Variants in PDE4D observed in about 807,000 individuals in gnomAD.
PDE4D encodes 3',5'-cyclic-AMP phosphodiesterase 4D.
PDE4D carries 24 observed loss-of-function variants against 87.4 expected under a neutral mutation model. That is an observed-to-expected ratio of 0.27 (90% CI 0.20 to 0.39). The LOEUF is 0.39. Ranked by LOEUF, PDE4D falls within the 10% of genes least tolerant of loss-of-function variation. The probability of loss-of-function intolerance (pLI) is 1.00; values close to 1 mark genes in which losing one functional copy is unlikely to be tolerated. For synonymous variants in PDE4D, 384 were observed against 383.2 expected, an observed-to-expected ratio of 1.00 and a Z score of -0.02; for missense variants, 714 against 1,041.0, an observed-to-expected ratio of 0.69 and a Z score of 4.32.
At chr5:60,208,177 G>T (rs1370211041) in intron 1 of PDE4D, among the ~76,000 whole-genome samples, 2 of 152,356 alleles carry the variant, frequency 1.3e-5, no homozygotes, top group East Asian at 3.9e-4. Context: ...TGATTAGTGA[G>T]TAAAATACAT....
chr5:59,600,958 C>A (rs1010337569), intron 1 of PDE4D, among the ~76,000 whole-genome samples: 5 of 152,146 alleles, frequency 3.3e-5, no homozygotes, highest in African/African-American at 1.2e-4. Context: ...GGGCAACAAT[C>A]ACATTTCATC....
chr5:60,251,711 A>G (rs913549224), intron 1 of PDE4D, among the ~76,000 whole-genome samples: 2 of 151,944 alleles, frequency 1.3e-5, no homozygotes, highest in Non-Finnish European at 2.9e-5. Context: ...AGAATGATTT[A>G]TATTCCTTTG....
intron 3 of PDE4D, among the ~76,000 whole-genome samples, chr5:59,945,825 C>T (rs1328784387): frequency 1.3e-5 from 2 of 152,156 alleles, no homozygotes; most frequent in South Asian, 4.1e-4. Context: ...GAATTTCTTT[C>T]TTAAAAATAG....
chr5:59,350,218 A>T (rs1367769176), intron 1 of PDE4D, among the ~76,000 whole-genome samples: 1 of 152,024 alleles, frequency 6.6e-6, no homozygotes, highest in South Asian at 2.1e-4. Context: ...TATGGCTCTT[A>T]TACACTCTCC....
Position 59,803,306 on chromosome 5 carries a change from CT to C in PDE4D, c.455+89861del, listed in dbSNP as rs71606604. 4.0e-3 allele frequency among the ~76,000 whole-genome samples: 524 copies of C among 130,402 alleles called. 3 individuals carry two copies. The highest frequency in any genetic ancestry group is 0.01 in the African/African-American group (362 of 35,322). The allele number at this position is 130,402 out of a possible 152,430, so 85.5% of individuals were successfully genotyped here. A position where few individuals can be genotyped will look rare whatever the true frequency, so the allele number is the denominator to read the frequency against. On this transcript the variant is annotated intron_variant, in intron 1 of 14. Transcript: ENST00000340635. Reference sequence around the variant, plus strand: ...TTCTGGGGATGGGGCCTAGAAACTCCTTTTTTTTTTTTTTTTCAATTTGTCT... The same window carrying C: ...TTCTGGGGATGGGGCCTAGAAACTCCTTTTTTTTTTTTTTTCAATTTGTCT...
chr5:59,649,658 T>A (rs935047332), intron 1 of PDE4D, among the ~76,000 whole-genome samples: 1 of 151,064 alleles, frequency 6.6e-6, no homozygotes, highest in Non-Finnish European at 1.5e-5. Context: ...AGTACCTTCA[T>A]GAGGTCCCAG....
chr5:59,839,121 G>A (rs1463995808), intron 1 of PDE4D, among the ~76,000 whole-genome samples: 7 of 151,872 alleles, frequency 4.6e-5, no homozygotes. Flanking sequence ...ACTGAACGTT[G>A]AGTCAGTGGA....
chr5:60,499,176 A>G lies in PDE4D; in HGVS notation n.70+22875T>C, dbSNP rs189736343. On this transcript the variant is annotated intron_variant and non_coding_transcript_variant, in intron 1 of 2. Transcript: ENST00000506510. ...ATAAACAGTTCACACTGAGACTTAA[A>G]AAACAACTGGATCTGTGTATTTAGG... Among the ~76,000 whole-genome samples, 691 of 152,338 alleles carry G rather than the reference A, an allele frequency of 4.5e-3. 7 individuals are homozygous for G. Among genetic ancestry groups the G allele is most frequent in the African/African-American group, 0.016 (668 of 41,582 alleles).
intron 5 of PDE4D, among the ~76,000 whole-genome samples, chr5:59,114,904 T>C (rs1420552926): frequency 7.9e-6 from 1 of 127,102 alleles, no homozygotes; most frequent in Non-Finnish European, 1.5e-5. Context: ...AAAAAGAAAA[T>C]GATAAGTGTA....
intron 2 of PDE4D, among the ~76,000 whole-genome samples, chr5:60,093,627 G>C (rs1306526413): frequency 6.6e-6 from 1 of 151,940 alleles, no homozygotes; most frequent in African/African-American, 2.4e-5. Context: ...CTAGAGAGTA[G>C]GAAATAAGAA....
chr5:59,451,428 C>T (rs1799135478), intron 1 of PDE4D, among the ~76,000 whole-genome samples: 1 of 152,166 alleles, frequency 6.6e-6, no homozygotes, highest in Non-Finnish European at 1.5e-5. Flanking sequence ...CATCTGCCTC[C>T]TGAGCTCCAG....
At chr5:59,542,659 C>T (rs1583050112) in intron 1 of PDE4D, among the ~76,000 whole-genome samples, 1 of 152,194 alleles carries the variant, frequency 6.6e-6, no homozygotes, top group Non-Finnish European at 1.5e-5. Context: ...ACAAATCTCT[C>T]TCTTGAAATT....
At chr5:59,505,421 G>A (rs1416039689) in intron 1 of PDE4D, among the ~76,000 whole-genome samples, 1 of 152,102 alleles carries the variant, frequency 6.6e-6, no homozygotes, top group African/African-American at 2.4e-5. Flanking sequence ...TCAATATAAG[G>A]GTATGTGGTA....
At chr5:59,586,888 G>C (rs193234079) in intron 1 of PDE4D, 1 of 985,384 alleles carries the variant, frequency 1.0e-6, no homozygotes, top group African/African-American at 1.7e-5. Flanking sequence ...TTCTTTCTTA[G>C]GCACATATTC....
At chr5:59,100,926 G>A (rs969544879) in intron 5 of PDE4D, among the ~76,000 whole-genome samples, 11 of 152,202 alleles carry the variant, frequency 7.2e-5, no homozygotes, top group Admixed American at 1.3e-4. Flanking sequence ...AAGCAGAGTC[G>A]TGCTTCTAAA....
intron 1 of PDE4D, among the ~76,000 whole-genome samples, chr5:60,218,375 G>A (rs1228174527): frequency 6.6e-6 from 1 of 152,002 alleles, no homozygotes; most frequent in African/African-American, 2.4e-5. Flanking sequence ...GGGAAGGGAT[G>A]AGAAGAGATT....
At chr5:59,066,832 C>T (rs187838259) in intron 5 of PDE4D, among the ~76,000 whole-genome samples, 3 of 151,958 alleles carry the variant, frequency 2.0e-5, no homozygotes, top group African/African-American at 7.3e-5. Context: ...TGCCTTGCCC[C>T]TTCCACCATG....
intron 1 of PDE4D, among the ~76,000 whole-genome samples, chr5:59,523,287 G>T (rs1812546658): frequency 6.6e-6 from 1 of 152,196 alleles, no homozygotes; most frequent in African/African-American, 2.4e-5. Flanking sequence ...TTATAGGGAT[G>T]TTTTGTGAAT....
chr5:59,641,273 G>A (rs1424410976), intron 1 of PDE4D, among the ~76,000 whole-genome samples: 1 of 152,136 alleles, frequency 6.6e-6, no homozygotes, highest in African/African-American at 2.4e-5. Flanking sequence ...ATGTAACTGA[G>A]ATAAAATAAA....
Sources: gnomAD v4.1 joint callset for allele counts (sites outside exome capture counted in the v4.1 genomes callset) on GRCh38, gnomAD v4.1.1 for gene constraint, MANE v1.5 for transcripts, NCBI Gene and HGNC (gene_info 2026-07-23, HGNC 2026-07-21) for gene names.